The following PCDHGB1 variants were observed in gnomAD, a reference collection of about 807,000 sequenced individuals.
The protein encoded by PCDHGB1 is protocadherin gamma-B1.
A neutral mutation model predicts 56.6 loss-of-function variants in PCDHGB1; 34 were observed. The ratio of observed to expected loss-of-function variants is 0.60; its 90% confidence interval spans 0.46 to 0.80. The LOEUF is 0.80. Among genes scored for constraint, PCDHGB1 ranks in the 30% least tolerant of loss-of-function variants. The pLI, the probability that PCDHGB1 is intolerant of heterozygous loss-of-function variation, is 0.00. For synonymous variants in PCDHGB1, 561 were observed against 505.9 expected (o/e 1.11, Z -1.46); for missense variants, 1,278 against 1,204.6 (o/e 1.06, Z -0.90).
At chr5:141,400,773 T>A in intron 1 of PCDHGB1, 1 of 572,450 alleles carries the variant, frequency 1.7e-6, no homozygotes, top group East Asian at 2.9e-5. Flanking sequence ...AAACATTTGG[T>A]GCGTTTTTTT....
At chr5:141,374,630 C>T (rs1273504244) in intron 1 of PCDHGB1, 1 of 1,613,140 alleles carries the variant, frequency 6.2e-7, no homozygotes, top group South Asian at 1.1e-5. Flanking sequence ...AGTGGACGTG[C>T]AAAGCGAAGC....
At chr5:141,500,222 T>TGA (rs1355843194) in intron 2 of PCDHGB1, among the ~76,000 whole-genome samples, 1 of 146,758 alleles carries the variant, frequency 6.8e-6, no homozygotes, top group Non-Finnish European at 1.5e-5. Flanking sequence ...ATTTATTTAT[T>TGA]TATTGATACG....
intron 1 of PCDHGB1, chr5:141,423,316 G>C (rs1424301976): frequency 1.2e-6 from 2 of 1,614,044 alleles, no homozygotes; most frequent in Non-Finnish European, 1.7e-6. Context: ...CTTGGTGGTG[G>C]CGGTGGCCGC....
chr5:141,405,621 C>T lies in PCDHGB1; in HGVS notation c.2409+52952C>T, dbSNP rs2094693815. 9.2e-6 allele frequency: 5 copies of T among 543,194 alleles called. No individual in the cohort carries two copies. In the South Asian group the frequency reaches 1.0e-4, roughly 11 times the overall value. 33.6% of individuals were successfully genotyped at this position (543,194 alleles called of 1,614,324 possible). ...AGTAGAATAACTGGGACTACAGGCA[C>T]GTGCCACCACGCCCGGCTAATTTTT... On this transcript the variant is annotated intron_variant, in intron 1 of 3. Coordinates refer to ENST00000523390, the MANE Select transcript of PCDHGB1 (RefSeq NM_018922.3).
intron 1 of PCDHGB1, among the ~76,000 whole-genome samples, chr5:141,450,968 G>A (rs756891993): frequency 5.5e-4 from 84 of 151,848 alleles, no homozygotes; most frequent in Non-Finnish European, 9.0e-4. Context: ...GGGATTACAG[G>A]CATGTGCCAC....
chr5:141,384,219 G>A lies in PCDHGB1; in HGVS notation c.2409+31550G>A, dbSNP rs1283583728. The A allele has an allele frequency of 2.5e-6, 4 of 1,613,744 alleles. No individual in the cohort carries two copies. The East Asian group carries it at 8.9e-5, about 36-fold the overall frequency. On this transcript the variant is annotated intron_variant, in intron 1 of 3. Coordinates refer to ENST00000523390, the MANE Select transcript of PCDHGB1 (RefSeq NM_018922.3). ...TGTCCAGGGAAACTCACATATTCAT[G>A]CAGGTGGCAGACACCAACGATAACC... is the stretch of plus-strand genomic sequence containing the variant.
At chr5:141,459,606 T>G (rs1430790771) in intron 1 of PCDHGB1, among the ~76,000 whole-genome samples, 1 of 152,250 alleles carries the variant, frequency 6.6e-6, no homozygotes, top group Non-Finnish European at 1.5e-5. Context: ...GGGAAGTATA[T>G]GCTTAACTTT....
At chr5:141,364,551 T>A in intron 1 of PCDHGB1, 1 of 1,614,076 alleles carries the variant, frequency 6.2e-7, no homozygotes, top group South Asian at 1.1e-5. Context: ...AGGACGCAGC[T>A]TTTTGCCCTG....
intron 1 of PCDHGB1, among the ~76,000 whole-genome samples, chr5:141,444,315 G>A (rs2098431855): frequency 6.6e-6 from 1 of 151,946 alleles, no homozygotes; most frequent in South Asian, 2.1e-4. Flanking sequence ...AGGATTACAG[G>A]CATGTGCCAC....
chr5:141,479,806 G>A (rs1188862048), intron 1 of PCDHGB1, among the ~76,000 whole-genome samples: 1 of 152,182 alleles, frequency 6.6e-6, no homozygotes, highest in Non-Finnish European at 1.5e-5. Context: ...AGGGTGGTAT[G>A]CAAGGATACT....
intron 1 of PCDHGB1, chr5:141,384,915 G>C (rs1460379128): frequency 1.2e-6 from 2 of 1,613,914 alleles, no homozygotes; most frequent in Non-Finnish European, 1.7e-6. Context: ...CCGAAGTCTT[G>C]GCCGACCTGG....
intron 1 of PCDHGB1, chr5:141,375,637 C>G (rs1331644453): frequency 1.2e-6 from 2 of 1,614,238 alleles, no homozygotes; most frequent in South Asian, 2.2e-5. Context: ...ACGCCCTGCG[C>G]TCCTTCGACT....
chr5:141,402,867 C>T, intron 1 of PCDHGB1: 2 of 1,443,510 alleles, frequency 1.4e-6, no homozygotes, highest in Non-Finnish European at 1.8e-6. Context: ...AGGAAAAGAT[C>T]ACCATACTTT....
chr5:141,388,978 C>T, intron 1 of PCDHGB1: 1 of 1,613,972 alleles, frequency 6.2e-7, no homozygotes, highest in Non-Finnish European at 8.5e-7. Context: ...ACACATATTG[C>T]TTTGCTCAAA....
intron 1 of PCDHGB1, among the ~76,000 whole-genome samples, chr5:141,354,631 T>C (rs1025188967): frequency 2.6e-5 from 4 of 152,238 alleles, no homozygotes; most frequent in Admixed American, 2.6e-4. Context: ...TTCACTTATC[T>C]GTCTCATCCA....
rs922791130 is a variant in PCDHGB1, at chr5:141,351,046, G to T, written c.786G>T (p.Met262Ile). 1 of 1,614,052 alleles carries T rather than the reference G, an allele frequency of 6.2e-7. No individual in the cohort carries two copies. Among genetic ancestry groups the T allele is most frequent in the South Asian group, 1.1e-5 (1 of 91,082 alleles). Reference protein sequence around the residue: ...VPWGTSVLRVMATDQDEGINA... With the variant: ...VPWGTSVLRVIATDQDEGINA... ...GGGGAACCTCCGTGCTGCGGGTGATGGCCACAGACCAGGATGAGGGCATTA... is the reference window on the plus strand; with the variant it reads ...GGGGAACCTCCGTGCTGCGGGTGATTGCCACAGACCAGGATGAGGGCATTA... The change falls in exon 1 of 4, where the codon ATG becomes ATT. Residue 262 changes from methionine to isoleucine, a missense_variant. Physicochemically the swap from Met to Ile is conservative, Grantham distance 10. Coordinates refer to ENST00000523390, the MANE Select transcript of PCDHGB1 (RefSeq NM_018922.3).
chr5:141,432,427 C>G lies in PCDHGB1; in HGVS notation c.2410-62380C>G. 5 of 1,614,242 alleles carry G rather than the reference C, an allele frequency of 3.1e-6. No homozygotes were observed. The highest frequency in any genetic ancestry group is 4.2e-6 in the Non-Finnish European group (5 of 1,180,036). On this transcript the variant is annotated intron_variant, in intron 1 of 3. Transcript: ENST00000523390. The surrounding 1 kb of genome is among the most constrained non-coding windows in gnomAD (Gnocchi z 6.0). ...TGAGCCTGTTCGTGCTGGACCAGAA[C>G]GACAATGCGCCCGAGATCCTGTACC... is the stretch of plus-strand genomic sequence containing the variant.
chr5:141,431,401 C>T lies in PCDHGB1; in HGVS notation c.2410-63406C>T. ...CTGCTCACCACCTGGTCCTTACGGC[C>T]TCCGACGGGGGCGACCCGGTGCGCA... On this transcript the variant is annotated intron_variant, in intron 1 of 3. Transcript: ENST00000523390. The surrounding 1 kb of genome is among the most constrained non-coding windows in gnomAD (Gnocchi z 4.8). 2 of 1,613,800 alleles carry T rather than the reference C, an allele frequency of 1.2e-6. No homozygotes were observed. Among genetic ancestry groups the T allele is most frequent in the Admixed American group, 1.7e-5 (1 of 60,036 alleles).
Position 141,422,144 on chromosome 5 carries a change from G to A in PCDHGB1, c.2409+69475G>A, listed in dbSNP as rs748208921. On this transcript the variant is annotated intron_variant, in intron 1 of 3. Transcript: ENST00000523390. Reference sequence around the variant, plus strand: ...CAAACTGGAGAAGTTCAAGTACGGGGGTCTCTGGATTTTGAAAAATATAGA... The same window carrying A: ...CAAACTGGAGAAGTTCAAGTACGGGAGTCTCTGGATTTTGAAAAATATAGA... 1.9e-6 allele frequency: 3 copies of A among 1,583,402 alleles called. No individual in the cohort carries two copies. In the African/African-American group the frequency reaches 4.1e-5, roughly 22 times the overall value.
Sources: gnomAD v4.1 joint callset for allele counts (sites outside exome capture counted in the v4.1 genomes callset) on GRCh38, gnomAD v4.1.1 for gene constraint, Gnocchi (gnomAD v3.1) non-coding constraint, MANE v1.5 for transcripts, NCBI Gene and HGNC (gene_info 2026-07-23, HGNC 2026-07-21) for gene names.